Variants in ABLIM1 observed in about 807,000 individuals in gnomAD.
ABLIM1 encodes actin-binding LIM protein 1.
Under a neutral mutation model 107.0 loss-of-function variants are expected in ABLIM1, and 40 were observed. The observed-to-expected ratio is 0.37, with a 90% CI of 0.29 to 0.49. The LOEUF is 0.49. Ranked by LOEUF, ABLIM1 falls within the 20% of genes least tolerant of loss-of-function variation. The probability of loss-of-function intolerance (pLI) is 0.97; values close to 1 mark genes in which losing one functional copy is unlikely to be tolerated. For missense variants in ABLIM1, 857 were observed against 1,008.5 expected (o/e 0.85, Z 2.04); for synonymous variants, 357 against 357.3 (o/e 1.00, Z 0.01).
intron 1 of ABLIM1, among the ~76,000 whole-genome samples, chr10:114,749,483 C>CACACACACACACACACACAT (rs540676948): frequency 3.3e-5 from 5 of 150,702 alleles, no homozygotes; most frequent in African/African-American, 9.8e-5. Context: ...CACACACACA[C>CACACACACACACACACACAT]ACCACAAAAC....
intron 2 of ABLIM1, among the ~76,000 whole-genome samples, chr10:114,590,529 A>G (rs1164148007): frequency 6.6e-6 from 1 of 152,154 alleles, no homozygotes; most frequent in African/African-American, 2.4e-5. Flanking sequence ...CTTGATATCT[A>G]CTGAGGTTCT....
At chr10:114,690,383 C>A in intron 1 of ABLIM1, 1 of 1,603,598 alleles carries the variant, frequency 6.2e-7, no homozygotes, top group South Asian at 1.1e-5. Context: ...GGATGAAGTT[C>A]TCATCATCAA....
chr10:114,711,791 C>G (rs903871192), intron 1 of ABLIM1, among the ~76,000 whole-genome samples: 3 of 152,072 alleles, frequency 2.0e-5, no homozygotes, highest in Non-Finnish European at 2.9e-5. Context: ...AGACAACCAA[C>G]AGTGACCTGG....
intron 1 of ABLIM1, among the ~76,000 whole-genome samples, chr10:114,679,837 T>C (rs2080667302): frequency 6.6e-6 from 1 of 152,132 alleles, no homozygotes; most frequent in Non-Finnish European, 1.5e-5. Flanking sequence ...CTCCCATTCA[T>C]GCGAGAAGAC....
At chr10:114,511,899 C>T (rs2061926486) in intron 6 of ABLIM1, among the ~76,000 whole-genome samples, 1 of 152,192 alleles carries the variant, frequency 6.6e-6, no homozygotes, top group Non-Finnish European at 1.5e-5. Context: ...GAAGGTCTTG[C>T]TCTGCAGTTC....
At chr10:114,724,080 C>T (rs2081907120) in intron 1 of ABLIM1, among the ~76,000 whole-genome samples, 1 of 152,086 alleles carries the variant, frequency 6.6e-6, no homozygotes. Context: ...ATTGTGATTG[C>T]CTCTACTCCA....
chr10:114,639,980 G>A (rs372963307), intron 1 of ABLIM1, among the ~76,000 whole-genome samples: 1 of 152,172 alleles, frequency 6.6e-6, no homozygotes, highest in Non-Finnish European at 1.5e-5. Context: ...CTCAAACCAG[G>A]ATGCTTGCTT....
the ABLIM1 span, among the ~76,000 whole-genome samples, chr10:114,787,373 A>G: frequency 1.5e-4 from 22 of 145,202 alleles, no homozygotes; most frequent in African/African-American, 4.7e-4. Flanking sequence ...GAGCGTCTCC[A>G]CCCGGCAGCC....
chr10:114,453,964 C>A (rs1167409710), intron 12 of ABLIM1, among the ~76,000 whole-genome samples: 2 of 152,164 alleles, frequency 1.3e-5, no homozygotes, highest in Non-Finnish European at 2.9e-5. Flanking sequence ...TCTGGGAACC[C>A]GTGTGGTCAC....
chr10:114,512,018 C>T (rs2061942632), intron 6 of ABLIM1, among the ~76,000 whole-genome samples: 1 of 152,176 alleles, frequency 6.6e-6, no homozygotes, highest in Non-Finnish European at 1.5e-5. Flanking sequence ...TAATCCCCAT[C>T]CAAGACAAGT....
intron 1 of ABLIM1, among the ~76,000 whole-genome samples, chr10:114,763,179 C>T (rs771145599): frequency 1.3e-5 from 2 of 152,112 alleles, no homozygotes; most frequent in African/African-American, 2.4e-5. Flanking sequence ...TGAATTGGAC[C>T]GAAAGCTAAC....
intron 1 of ABLIM1, among the ~76,000 whole-genome samples, chr10:114,700,536 A>G (rs1163994603): frequency 6.6e-6 from 1 of 151,584 alleles, no homozygotes; most frequent in Non-Finnish European, 1.5e-5. Context: ...AAAGATGGAG[A>G]ACTTACTCTA....
chr10:114,601,291 T>C (rs1351803394), intron 2 of ABLIM1, among the ~76,000 whole-genome samples: 4 of 149,514 alleles, frequency 2.7e-5, no homozygotes, highest in African/African-American at 9.9e-5. Flanking sequence ...TAAGACGGAG[T>C]CTCACTCTTG....
Position 114,474,061 on chromosome 10 carries a change from AAC to A in ABLIM1, c.1042-107_1042-106del. 4 of 775,492 alleles carry A rather than the reference AAC, an allele frequency of 5.2e-6. No individual in the cohort carries two copies. In the South Asian group the frequency reaches 7.1e-5, roughly 14 times the overall value. 48.0% of individuals were successfully genotyped at this position (775,492 alleles called of 1,614,324 possible). On this transcript the variant is annotated intron_variant, in intron 8 of 22. Transcript: ENST00000533213. ...AAAAACTCAGCTAGTGAAAAAAAGA[AAC>A]ACTTATCACCTTTTTGAATAAGGTA... is the stretch of plus-strand genomic sequence containing the variant.
chr10:114,463,431 C>T (rs528062030), intron 12 of ABLIM1, among the ~76,000 whole-genome samples: 5 of 152,060 alleles, frequency 3.3e-5, no homozygotes, highest in East Asian at 3.9e-4. Context: ...AATGGTCACC[C>T]GGATGGTCTC....
rs568790551 is a variant in ABLIM1, at chr10:114,634,931, T to C, written c.244+23026A>G. 2.6e-5 allele frequency among the ~76,000 whole-genome samples: 4 copies of C among 152,380 alleles called. No homozygotes were observed. In the South Asian group the frequency reaches 8.3e-4, roughly 32 times the overall value. On this transcript the variant is annotated intron_variant, in intron 1 of 22. Transcript: ENST00000533213. ...CCTCTTTGCCTCAGGGCAGAATTGCTAAAGAGCTTTAAGAACAGAAGCAAA... is the reference window on the plus strand; with the variant it reads ...CCTCTTTGCCTCAGGGCAGAATTGCCAAAGAGCTTTAAGAACAGAAGCAAA...
chr10:114,528,358 C>G (rs2065086434), intron 6 of ABLIM1, among the ~76,000 whole-genome samples: 1 of 152,148 alleles, frequency 6.6e-6, no homozygotes, highest in Admixed American at 6.5e-5. Context: ...TGAAAAGACC[C>G]TTTTATATAG....
intron 6 of ABLIM1, among the ~76,000 whole-genome samples, chr10:114,516,796 A>T (rs745895519): frequency 6.6e-6 from 1 of 151,770 alleles, no homozygotes; most frequent in Non-Finnish European, 1.5e-5. Context: ...TTCAGCTAAA[A>T]CTCTCAGGGC....
chr10:114,769,487 A>AG (rs1237357502), upstream of ABLIM1, among the ~76,000 whole-genome samples: 224 of 146,756 alleles, frequency 1.5e-3, no homozygotes, highest in Middle Eastern at 0.016. Flanking sequence ...AAGAGAAAGA[A>AG]AGAAAGGGAA....
Sources: allele counts gnomAD v4.1 joint callset (sites outside exome capture counted in the v4.1 genomes callset), GRCh38; gene constraint gnomAD v4.1.1; transcripts MANE v1.5; gene names NCBI Gene and HGNC (gene_info 2026-07-23, HGNC 2026-07-21).